The following LTBP1 variants were observed in gnomAD, a reference collection of about 807,000 sequenced individuals.
The protein encoded by LTBP1 is latent transforming growth factor beta binding protein 1.
LTBP1 carries 129 observed loss-of-function variants against 207.6 expected under a neutral mutation model. The observed-to-expected ratio is 0.62, with a 90% CI of 0.54 to 0.72. LTBP1 has a LOEUF of 0.72. LTBP1 is among the 30% of genes least tolerant of loss of function. The probability of loss-of-function intolerance (pLI) is 0.00; values close to 1 mark genes in which losing one functional copy is unlikely to be tolerated. For synonymous variants in LTBP1, 963 were observed against 833.7 expected (o/e 1.16, Z -2.67); for missense variants, 2,281 against 2,217.2 (o/e 1.03, Z -0.58).
In LTBP1 at chr2:32,982,811, C is replaced by G. The variant is rs537600521; in HGVS notation, c.565+33866C>G. ...AAGAATTGAGGTTTGGGAACCTCCG[C>G]CTAGATTTCAAAGGATGTATGGAAA... On this transcript the variant is annotated intron_variant, in intron 2 of 33. Transcript: ENST00000404816. Among the ~76,000 whole-genome samples, 7 of 152,268 alleles carry G rather than the reference C, an allele frequency of 4.6e-5. No homozygotes were observed. In the South Asian group the frequency reaches 1.2e-3, roughly 27 times the overall value.
intron 15 of LTBP1, among the ~76,000 whole-genome samples, chr2:33,263,783 C>T (rs2148060081): frequency 6.6e-6 from 1 of 151,700 alleles, no homozygotes; most frequent in Admixed American, 6.6e-5. Context: ...GAAACCCCGT[C>T]TCTACTAAAA....
intron 9 of LTBP1, among the ~76,000 whole-genome samples, chr2:33,240,506 G>A (rs72858072): frequency 0.083 from 12,661 of 152,116 alleles, 829 homozygotes; most frequent in African/African-American, 0.18. Flanking sequence ...AATCACTTAG[G>A]CAGTTGCTCC....
intron 3 of LTBP1, 67 bp downstream of exon 3, chr2:33,021,273 A>C (rs2075153332): frequency 7.1e-7 from 1 of 1,408,070 alleles, no homozygotes; most frequent in Non-Finnish European, 9.6e-7. Flanking sequence ...CCTTGCTTTA[A>C]ATCACTGTCC....
intron 26 of LTBP1, among the ~76,000 whole-genome samples, chr2:33,355,849 G>A (rs1416888078): frequency 1.3e-5 from 2 of 152,148 alleles, no homozygotes; most frequent in Non-Finnish European, 2.9e-5. Context: ...TGTCCTGGGA[G>A]TGAAGCCTCC....
intron 11 of LTBP1, among the ~76,000 whole-genome samples, chr2:33,256,029 A>G (rs143763076): frequency 8.6e-5 from 13 of 150,774 alleles, no homozygotes; most frequent in Admixed American, 7.2e-4. Flanking sequence ...TTCACTATTC[A>G]TGGGGATTAT....
intron 3 of LTBP1, among the ~76,000 whole-genome samples, chr2:33,063,704 C>G (rs888795844): frequency 1.3e-5 from 2 of 152,064 alleles, no homozygotes; most frequent in Admixed American, 1.3e-4. Flanking sequence ...GCTGCCATAG[C>G]TCAATTTTGG....
intron 24 of LTBP1, among the ~76,000 whole-genome samples, chr2:33,319,502 A>C (rs1262492885): frequency 6.6e-6 from 1 of 152,122 alleles, no homozygotes; most frequent in African/African-American, 2.4e-5. Flanking sequence ...GGGAAACTTA[A>C]TGGTAATCAG....
chr2:33,334,722 T>A (rs2094535250), intron 24 of LTBP1, among the ~76,000 whole-genome samples: 1 of 152,022 alleles, frequency 6.6e-6, no homozygotes, highest in South Asian at 2.1e-4. Context: ...GGAGCAGTGT[T>A]GTTTTAGTTT....
At chr2:33,382,638 G>A (rs1179639850) in intron 31 of LTBP1, among the ~76,000 whole-genome samples, 1 of 152,176 alleles carries the variant, frequency 6.6e-6, no homozygotes, top group Non-Finnish European at 1.5e-5. Flanking sequence ...CCGTAATGAA[G>A]CAATGAATGA....
intron 24 of LTBP1, among the ~76,000 whole-genome samples, chr2:33,340,127 G>T (rs577291518): frequency 1.2e-4 from 19 of 152,072 alleles, no homozygotes; most frequent in South Asian, 4.2e-4. Flanking sequence ...GCGTGGTGGC[G>T]AGCGCCTGTA....
intron 19 of LTBP1, among the ~76,000 whole-genome samples, chr2:33,285,426 C>G (rs1267275295): frequency 2.0e-5 from 3 of 149,514 alleles, no homozygotes; most frequent in Non-Finnish European, 4.4e-5. Context: ...GTCATTGGAG[C>G]ATTCTCTTTT....
intron 3 of LTBP1, among the ~76,000 whole-genome samples, chr2:33,033,910 A>T: frequency 6.6e-6 from 1 of 152,186 alleles, no homozygotes; most frequent in East Asian, 1.9e-4. Flanking sequence ...TGTATTTCAA[A>T]GCGCCTCAGG....
chr2:33,236,589 C>T (rs1233629200), intron 9 of LTBP1, among the ~76,000 whole-genome samples: 2 of 152,150 alleles, frequency 1.3e-5, no homozygotes. Flanking sequence ...ATTAACTCTT[C>T]CTCAGGAAAG....
At chr2:33,202,172 G>A (rs182519484) in intron 7 of LTBP1, among the ~76,000 whole-genome samples, 448 of 152,240 alleles carry the variant, frequency 2.9e-3, no homozygotes, top group Middle Eastern at 6.8e-3. Context: ...GAAGTGGAAA[G>A]TATCCTAATT....
intron 2 of LTBP1, among the ~76,000 whole-genome samples, chr2:33,003,206 G>A (rs559113454): frequency 3.3e-5 from 5 of 152,170 alleles, no homozygotes; most frequent in Non-Finnish European, 5.9e-5. Context: ...TAAACAAAAC[G>A]ACCTGCTCAA....
intron 3 of LTBP1, among the ~76,000 whole-genome samples, chr2:33,090,551 G>A (rs1045068583): frequency 6.6e-6 from 1 of 152,174 alleles, no homozygotes; most frequent in Non-Finnish European, 1.5e-5. Context: ...TCATCACAAT[G>A]TCATGAGGTA....
intron 4 of LTBP1, among the ~76,000 whole-genome samples, chr2:33,111,515 G>A (rs2080401169): frequency 6.6e-6 from 1 of 152,208 alleles, no homozygotes; most frequent in Admixed American, 6.5e-5. Flanking sequence ...CAGTTGTGAG[G>A]TGGGAAAAGG....
chr2:33,277,932 T>G (rs1018614381), intron 18 of LTBP1, among the ~76,000 whole-genome samples: 1 of 149,492 alleles, frequency 6.7e-6, no homozygotes, highest in African/African-American at 2.5e-5. Flanking sequence ...CGGGTTCACA[T>G]CATTCTCCTG....
At chr2:32,984,184 C>T (rs1366996442) in intron 2 of LTBP1, among the ~76,000 whole-genome samples, 5 of 152,176 alleles carry the variant, frequency 3.3e-5, no homozygotes, top group Admixed American at 6.5e-5. Flanking sequence ...TGGCTCCACA[C>T]ACAGCTTAGA....
Sources: gnomAD v4.1 joint callset for allele counts (sites outside exome capture counted in the v4.1 genomes callset) on GRCh38, gnomAD v4.1.1 for gene constraint, MANE v1.5 for transcripts, NCBI Gene and HGNC (gene_info 2026-07-23, HGNC 2026-07-21) for gene names.